PCDH15: variants seen among roughly 807,000 people sequenced by gnomAD.
PCDH15 encodes protocadherin-15.
A neutral mutation model predicts 178.5 loss-of-function variants in PCDH15; 129 were observed. The ratio of observed to expected loss-of-function variants is 0.72; its 90% CI spans 0.63 to 0.84. The LOEUF (loss-of-function observed/expected upper bound fraction) is 0.84, where lower values mean the gene tolerates loss of function less well. Among genes scored for constraint, PCDH15 ranks in the 40% least tolerant of loss-of-function variants. The pLI, the probability that PCDH15 is intolerant of heterozygous loss-of-function variation, is 0.00. For missense variants in PCDH15, 2,230 were observed against 2,099.9 expected (o/e 1.06, Z -1.21); for synonymous variants, 800 against 732.0 (o/e 1.09, Z -1.50).
chr10:54,508,401 C>G (rs960208990), intron 3 of PCDH15, among the ~76,000 whole-genome samples: 1 of 151,960 alleles, frequency 6.6e-6, no homozygotes, highest in Non-Finnish European at 1.5e-5. Flanking sequence ...TACAGATGCT[C>G]TTTGACTTAT....
intron 2 of PCDH15, among the ~76,000 whole-genome samples, chr10:55,427,725 C>T (rs1838790944): frequency 6.6e-6 from 1 of 152,040 alleles, no homozygotes. Flanking sequence ...AGATTTATAC[C>T]TCTATAATCT....
rs1841087057 is a variant in PCDH15 at position 53,805,395 on chromosome 10, A to ATTCT, written c.*1180_*1183dup. 1 of 152,068 alleles carries ATTCT rather than the reference A, an allele frequency of 6.6e-6. No homozygotes were observed. Among genetic ancestry groups the ATTCT allele is most frequent in the African/African-American group, 2.4e-5 (1 of 41,436 alleles). The allele number at this position is 152,068 out of a possible 1,614,324, so 9.4% of individuals were successfully genotyped here. A position where few individuals can be genotyped will look rare whatever the true frequency, so the allele number is the denominator to read the frequency against. ...ACACAAGGCAAGTTTTTTAAAGGAT[A>ATTCT]TTCTGTTTTCATTTCTACTTATGAT... On this transcript the variant is annotated 3_prime_UTR_variant, in exon 38 of 38. Coordinates refer to ENST00000644397, the MANE Select transcript of PCDH15 (RefSeq NM_001384140.1).
chr10:54,698,327 G>T (rs2095263479), intron 1 of PCDH15, among the ~76,000 whole-genome samples: 1 of 152,104 alleles, frequency 6.6e-6, no homozygotes, highest in South Asian at 2.1e-4. Context: ...AGTGACATGG[G>T]TTTGCTCAAA....
intron 9 of PCDH15, among the ~76,000 whole-genome samples, chr10:54,228,346 TA>T (rs562751479): frequency 2.6e-5 from 4 of 151,602 alleles, no homozygotes; most frequent in East Asian, 1.9e-4. Context: ...CTCCTCTTTT[TA>T]AAAAAAAATC....
intron 2 of PCDH15, among the ~76,000 whole-genome samples, chr10:55,122,672 T>C (rs964794050): frequency 6.6e-6 from 1 of 152,132 alleles, no homozygotes; most frequent in African/African-American, 2.4e-5. Flanking sequence ...AGAGATGTTG[T>C]GTGTTAAAAT....
chr10:54,654,651 T>C (rs570875761), intron 2 of PCDH15, among the ~76,000 whole-genome samples: 1 of 152,352 alleles, frequency 6.6e-6, no homozygotes, highest in South Asian at 2.1e-4. Context: ...AACTCTATTA[T>C]GAATTGTATA....
intron 25 of PCDH15, among the ~76,000 whole-genome samples, chr10:53,937,580 T>G (rs935276438): frequency 6.6e-6 from 1 of 152,188 alleles, no homozygotes; most frequent in Non-Finnish European, 1.5e-5. Context: ...TTCAATTCCT[T>G]TAATTTCAAA....
intron 21 of PCDH15, among the ~76,000 whole-genome samples, chr10:53,964,416 A>ATTTTATTTATTCATAAAATTTTTATAAC: frequency 7.5e-6 from 1 of 132,608 alleles, no homozygotes. Context: ...ATTTTTATAA[A>ATTTTATTTATTCATAAAATTTTTATAAC]TTTTATTTAT....
intron 3 of PCDH15, among the ~76,000 whole-genome samples, chr10:54,819,086 G>A (rs916160958): frequency 2.0e-4 from 31 of 151,850 alleles, no homozygotes; most frequent in Non-Finnish European, 1.5e-5. Flanking sequence ...CACTGCACCT[G>A]ACCTAGAATA....
chr10:53,831,060 A>G lies in PCDH15; in HGVS notation c.4202+255T>C, dbSNP rs148450770. The G allele has an allele frequency of 2.5e-4, 178 of 702,244 alleles. 1 individual carries two copies. The African/African-American group carries it at 2.8e-3, about 11-fold the overall frequency. The allele number at this position is 702,244 out of a possible 1,614,324, so 43.5% of individuals were successfully genotyped here. On this transcript the variant is annotated intron_variant, in intron 30 of 37. Transcript: ENST00000644397. ...GAAGAGCATAAACAAAGCCACAGGA[A>G]CTAAGGTGATATTTCTATTGAAAGA...
At chr10:54,650,729 G>A (rs2094239576) in intron 2 of PCDH15, among the ~76,000 whole-genome samples, 1 of 152,080 alleles carries the variant, frequency 6.6e-6, no homozygotes, top group South Asian at 2.1e-4. Flanking sequence ...AGACAAGGGA[G>A]AGAATGACTA....
chr10:54,786,921 T>C (rs374414665), intron 1 of PCDH15, among the ~76,000 whole-genome samples: 15 of 151,940 alleles, frequency 9.9e-5, no homozygotes, highest in East Asian at 9.7e-4. Context: ...TTTTCTTTGC[T>C]AATTTCCTCA....
intron 1 of PCDH15, among the ~76,000 whole-genome samples, chr10:55,228,662 C>A (rs1290573078): frequency 6.6e-6 from 1 of 151,878 alleles, no homozygotes; most frequent in Admixed American, 6.6e-5. Flanking sequence ...AGGGAGCTTG[C>A]CAAGGTAAAT....
intron 3 of PCDH15, among the ~76,000 whole-genome samples, chr10:54,412,087 G>A (rs1305498024): frequency 6.6e-6 from 1 of 151,932 alleles, no homozygotes; most frequent in Non-Finnish European, 1.5e-5. Flanking sequence ...TAGATTGAAG[G>A]CATGTGATGG....
At chr10:54,556,015 G>A (rs924828082) in intron 2 of PCDH15, among the ~76,000 whole-genome samples, 6 of 152,046 alleles carry the variant, frequency 3.9e-5, no homozygotes, top group Admixed American at 2.6e-4. Context: ...AAATAATTAC[G>A]AATACTATGC....
At chr10:55,520,326 G>GTATATATA (rs200235654) in intron 2 of PCDH15, among the ~76,000 whole-genome samples, 8 of 44,580 alleles carry the variant, frequency 1.8e-4, no homozygotes, top group African/African-American at 6.1e-4. Flanking sequence ...CATGCAATGT[G>GTATATATA]TATATATATA....
chr10:54,689,146 C>A (rs891626469), intron 1 of PCDH15, among the ~76,000 whole-genome samples: 1 of 151,872 alleles, frequency 6.6e-6, no homozygotes, highest in South Asian at 2.1e-4. Flanking sequence ...ACTACATAAA[C>A]CTTAAAATAA....
intron 26 of PCDH15, among the ~76,000 whole-genome samples, chr10:53,869,819 C>A (rs7894848): frequency 0.02 from 3,113 of 152,114 alleles, 130 homozygotes; most frequent in African/African-American, 0.071. Flanking sequence ...GCACTTCATG[C>A]ACTTGGAGTC....
intron 1 of PCDH15, among the ~76,000 whole-genome samples, chr10:55,190,827 T>C (rs1839927671): frequency 6.6e-6 from 1 of 151,800 alleles, no homozygotes; most frequent in African/African-American, 2.4e-5. Context: ...AAACATAAGA[T>C]TTGACATGGT....
Sources: allele counts gnomAD v4.1 joint callset (sites outside exome capture counted in the v4.1 genomes callset), GRCh38; gene constraint gnomAD v4.1.1; transcripts MANE v1.5; gene names NCBI Gene and HGNC (gene_info 2026-07-23, HGNC 2026-07-21).